The following ZNF469 variants were observed in gnomAD, a reference collection of about 807,000 sequenced individuals.
ZNF469 encodes the protein zinc finger protein 469.
Under a neutral mutation model 1.0 loss-of-function variants are expected in ZNF469, and 1 was observed. That is an observed-to-expected ratio of 1.00 (90% CI 0.35 to 4.73). The LOEUF (loss-of-function observed/expected upper bound fraction) is 4.73. ZNF469 is among the 30% of genes most tolerant of loss of function. ZNF469 has a pLI of 0.16. For synonymous variants in ZNF469, 2,703 were observed against 2,363.4 expected (o/e 1.14, Z -4.17); for missense variants, 6,100 against 5,356.3 (o/e 1.14, Z -4.33).
At chr16:88,264,042 T>G in the ZNF469 span, among the ~76,000 whole-genome samples, 2 of 151,990 alleles carry the variant, frequency 1.3e-5, 1 homozygote, top group Middle Eastern at 6.3e-3. Context: ...CCACACCACG[T>G]GTACTCATGG....
the ZNF469 span, among the ~76,000 whole-genome samples, chr16:88,243,911 C>CATATATATATAT: frequency 1.2e-3 from 31 of 26,270 alleles, 1 homozygote; most frequent in Admixed American, 2.4e-3. Flanking sequence ...TGGCTGGATG[C>CATATATATATAT]ATATATATAT....
At chr16:88,199,609 G>A in the ZNF469 span, among the ~76,000 whole-genome samples, 167 of 152,302 alleles carry the variant, frequency 1.1e-3, no homozygotes, top group Non-Finnish European at 2.2e-3. Context: ...AGAACCAGCC[G>A]GCTCGGACCA....
At chr16:88,295,497 C>G in the ZNF469 span, among the ~76,000 whole-genome samples, 1 of 152,110 alleles carries the variant, frequency 6.6e-6, no homozygotes, top group African/African-American at 2.4e-5. Context: ...CAGGATGTGG[C>G]AGGGCTCAGG....
chr16:88,328,764 C>T, the ZNF469 span, among the ~76,000 whole-genome samples: 1 of 152,158 alleles, frequency 6.6e-6, no homozygotes, highest in Non-Finnish European at 1.5e-5. Flanking sequence ...ACAGAGGCGC[C>T]CAGTCTAGGG....
chr16:88,299,362 T>C, the ZNF469 span, among the ~76,000 whole-genome samples: 10 of 151,436 alleles, frequency 6.6e-5, no homozygotes, highest in South Asian at 2.1e-3. Context: ...GAGGGCTTCT[T>C]GGAGGAAGCA....
the ZNF469 span, among the ~76,000 whole-genome samples, chr16:88,163,309 G>A: frequency 2.1e-3 from 13 of 6,242 alleles, 4 homozygotes; most frequent in African/African-American, 6.0e-3. Flanking sequence ...ATGGGTAGAT[G>A]GATGGATGGA....
chr16:88,258,795 G>A, the ZNF469 span, among the ~76,000 whole-genome samples: 2 of 152,328 alleles, frequency 1.3e-5, no homozygotes, highest in South Asian at 4.1e-4. Context: ...GGCAGTGGGA[G>A]GTGTACAAAC....
the ZNF469 span, among the ~76,000 whole-genome samples, chr16:88,262,545 C>A: frequency 6.6e-6 from 1 of 152,162 alleles, no homozygotes; most frequent in Non-Finnish European, 1.5e-5. The surrounding 1 kb of genome is among the most constrained non-coding windows in gnomAD (Gnocchi z 4.3). Context: ...GGCTCTGGGG[C>A]AGCTCTGGAA....
chr16:88,153,512 AC>A, the ZNF469 span, among the ~76,000 whole-genome samples: 1 of 152,180 alleles, frequency 6.6e-6, no homozygotes, highest in Non-Finnish European at 1.5e-5. Flanking sequence ...AGAAGGATGC[AC>A]CTGCCCGTCA....
rs1315940450 is a variant in ZNF469 at position 88,430,189 on chromosome 16, G to C, written c.2719G>C (p.Asp907His). 6.5e-7 allele frequency: 1 copy of C among 1,547,476 alleles called. No homozygotes were observed. The highest frequency in any genetic ancestry group is 1.4e-5 in the African/African-American group (1 of 72,990). ...GCCCCCGCTCCCAGCAGCCACGCCGGACCCCCAAACCCCCCGCCCTGGGGA... is the reference window on the plus strand; with the variant it reads ...GCCCCCGCTCCCAGCAGCCACGCCGCACCCCCAAACCCCCCGCCCTGGGGA... ...APPPLPAATPDPQTPRPGDRG... is the reference protein window; with the variant it reads ...APPPLPAATPHPQTPRPGDRG... The change falls in exon 3 of 3, where the codon GAC (aspartate) becomes CAC (histidine). Residue 907 changes from aspartate (D) to histidine (H), a missense_variant. Physicochemically the swap from Asp to His is moderately conservative, Grantham distance 81. Transcript: ENST00000565624.
chr16:88,432,440 C>T lies in ZNF469; in HGVS notation c.4970C>T (p.Thr1657Met). 7 of 1,550,226 alleles carry T rather than the reference C, an allele frequency of 4.5e-6. No individual in the cohort carries two copies. Among genetic ancestry groups the T allele is most frequent in the South Asian group, 1.2e-5 (1 of 84,066 alleles). Residue 1657 changes from threonine (T) to methionine (M), a missense_variant, in exon 3 of 3, where the codon ACG (threonine) becomes ATG (methionine). Thr to Met is a moderately conservative substitution (Grantham distance 81, BLOSUM62 -1). Coordinates refer to ENST00000565624, the MANE Select transcript of ZNF469 (RefSeq NM_001367624.2). Reference sequence around the variant, plus strand: ...GCGGTTCAGGGGAGGCCTGGGGGGACGTGGCCCTGCCCAGCCTCCTTCCAT... The same window carrying T: ...GCGGTTCAGGGGAGGCCTGGGGGGATGTGGCCCTGCCCAGCCTCCTTCCAT... ...VEAVQGRPGG[T>M]WPCPASFHPG... is the part of the protein sequence containing the mutation.
At position 88,433,706 on chromosome 16, in the gene ZNF469, C is replaced by T. The variant is rs765190704; in HGVS notation, c.6236C>T (p.Ser2079Phe). 5.3e-5 allele frequency: 82 copies of T among 1,549,222 alleles called. 1 individual carries two copies. The highest frequency in any genetic ancestry group is 8.7e-6 in the Non-Finnish European group (10 of 1,146,688). ...ACAGCAGCCCACAGCCGAAGTGGAT[C>T]TGAGGGCCGGACTCCAGAGAGGGCG... is the stretch of plus-strand genomic sequence containing the variant. ...ALTAAHSRSG[S>F]EGRTPERASS... The change falls in exon 3 of 3, where the codon TCT becomes TTT. Residue 2079 changes from serine to phenylalanine, a missense_variant. Physicochemically the swap from Ser to Phe is radical, Grantham distance 155. Coordinates refer to ENST00000565624, the MANE Select transcript of ZNF469 (RefSeq NM_001367624.2).
the ZNF469 span, among the ~76,000 whole-genome samples, chr16:88,229,622 G>A: frequency 1.3e-4 from 19 of 150,266 alleles, no homozygotes; most frequent in South Asian, 2.1e-4. Flanking sequence ...CTGATGTCAC[G>A]CGTGTGGATG....
chr16:88,111,500 T>A, the ZNF469 span, among the ~76,000 whole-genome samples: 1 of 101,460 alleles, frequency 9.9e-6, no homozygotes, highest in Non-Finnish European at 2.1e-5. Flanking sequence ...GCATTTCTTC[T>A]GTCTTTTTGT....
chr16:88,408,429 G>C (rs1382517369), intron 1 of ZNF469, among the ~76,000 whole-genome samples: 3 of 152,252 alleles, frequency 2.0e-5, no homozygotes, highest in Non-Finnish European at 4.4e-5. Context: ...TGGGATTTCA[G>C]GCGTGAGCCA....
At chr16:88,134,466 C>T in the ZNF469 span, among the ~76,000 whole-genome samples, 2 of 152,216 alleles carry the variant, frequency 1.3e-5, no homozygotes, top group African/African-American at 2.4e-5. Flanking sequence ...TAGATCATTC[C>T]GTGTGGTTAC....
the ZNF469 span, among the ~76,000 whole-genome samples, chr16:88,124,315 C>T: frequency 1.3e-5 from 2 of 152,170 alleles, no homozygotes; most frequent in African/African-American, 4.8e-5. Context: ...CTCACTGCAG[C>T]CTCCACCTTC....
At chr16:88,373,739 A>G in the ZNF469 span, among the ~76,000 whole-genome samples, 1 of 152,164 alleles carries the variant, frequency 6.6e-6, no homozygotes, top group African/African-American at 2.4e-5. Flanking sequence ...GCTCACGCCT[A>G]TAATCCCAGC....
chr16:88,174,320 C>A, the ZNF469 span, among the ~76,000 whole-genome samples: 12 of 152,196 alleles, frequency 7.9e-5, no homozygotes, highest in African/African-American at 2.2e-4. Context: ...TATGTACATT[C>A]TTAATTACAA....
Sources: allele counts gnomAD v4.1 joint callset (sites outside exome capture counted in the v4.1 genomes callset), GRCh38; gene constraint gnomAD v4.1.1; non-coding constraint Gnocchi (gnomAD v3.1); transcripts MANE v1.5; gene names NCBI Gene and HGNC (gene_info 2026-07-23, HGNC 2026-07-21).